Variants in COL25A1 observed in about 807,000 individuals in gnomAD.
COL25A1 encodes the protein collagen type XXV alpha 1 chain.
In COL25A1, 103 loss-of-function variants were observed where a neutral mutation model predicts 128.4. The observed-to-expected ratio is 0.80, with a 90% CI of 0.68 to 0.94. The LOEUF is 0.94. Ranked by LOEUF, COL25A1 falls within the 40% of genes least tolerant of loss-of-function variation. The probability of loss-of-function intolerance (pLI) is 0.00; values close to 1 mark genes in which losing one functional copy is unlikely to be tolerated. For missense variants in COL25A1, 745 were observed against 840.0 expected (o/e 0.89, Z 1.40); for synonymous variants, 279 against 277.2 (o/e 1.01, Z -0.06).
At chr4:109,215,469 C>A (rs1300890745) in intron 3 of COL25A1, among the ~76,000 whole-genome samples, 1 of 152,156 alleles carries the variant, frequency 6.6e-6, no homozygotes, top group East Asian at 1.9e-4. Context: ...TCAACACTTA[C>A]ACTAAAACTT....
chr4:108,980,763 C>G (rs1427746763), intron 6 of COL25A1, among the ~76,000 whole-genome samples: 1 of 152,230 alleles, frequency 6.6e-6, no homozygotes, highest in East Asian at 1.9e-4. Context: ...CTATTTTAAA[C>G]TCCACAAGTT....
At chr4:109,008,109 G>A (rs891798199) in intron 6 of COL25A1, among the ~76,000 whole-genome samples, 4 of 152,142 alleles carry the variant, frequency 2.6e-5, no homozygotes, top group African/African-American at 9.7e-5. Flanking sequence ...AGATGTAGGT[G>A]CCTGCCCACC....
At chr4:109,167,546 GA>G (rs1359629005) in intron 3 of COL25A1, among the ~76,000 whole-genome samples, 1 of 152,102 alleles carries the variant, frequency 6.6e-6, no homozygotes, top group African/African-American at 2.4e-5. Context: ...ACAACCTTAG[GA>G]TAATTACATT....
At chr4:109,227,872 A>G (rs1208046346) in intron 3 of COL25A1, among the ~76,000 whole-genome samples, 1 of 152,178 alleles carries the variant, frequency 6.6e-6, no homozygotes, top group Non-Finnish European at 1.5e-5. Context: ...AAGACAGGTC[A>G]TCTACAAGCT....
intron 3 of COL25A1, among the ~76,000 whole-genome samples, chr4:109,208,496 A>AAT (rs1553959492): frequency 1.3e-5 from 2 of 151,864 alleles, no homozygotes; most frequent in South Asian, 2.1e-4. Context: ...AAAAAAAAAA[A>AAT]ACAAATTATT....
chr4:108,976,324 A>G (rs944296960), intron 6 of COL25A1, among the ~76,000 whole-genome samples: 2 of 152,216 alleles, frequency 1.3e-5, no homozygotes, highest in African/African-American at 4.8e-5. Flanking sequence ...TTAACCAAAC[A>G]CCATTTCTTG....
intron 3 of COL25A1, among the ~76,000 whole-genome samples, chr4:109,222,740 G>A (rs1778514950): frequency 6.6e-6 from 1 of 152,132 alleles, no homozygotes; most frequent in South Asian, 2.1e-4. Flanking sequence ...AAAGGAGGCT[G>A]TCCATTTTGG....
intron 5 of COL25A1, among the ~76,000 whole-genome samples, chr4:109,013,634 GAGGAATGAACAACTCTGAACGGA>G (rs892942657): frequency 4.0e-5 from 6 of 151,470 alleles, no homozygotes; most frequent in East Asian, 1.9e-4. Context: ...AACCCACCAG[GAGGAATGAACAACTCTGAACGGA>G]AGGAATGAAC....
At chr4:109,286,220 C>T (rs1723878726) in intron 3 of COL25A1, among the ~76,000 whole-genome samples, 1 of 152,148 alleles carries the variant, frequency 6.6e-6, no homozygotes, top group Admixed American at 6.6e-5. Flanking sequence ...TTGTGTACCA[C>T]TTTTAATTCA....
intron 3 of COL25A1, among the ~76,000 whole-genome samples, chr4:109,151,562 A>C (rs17039964): frequency 0.02 from 3,076 of 152,264 alleles, 101 homozygotes; most frequent in South Asian, 0.13. Flanking sequence ...TTTAAAGTCC[A>C]GTAGCAGCAT....
At chr4:109,159,669 T>G (rs1006807607) in intron 3 of COL25A1, among the ~76,000 whole-genome samples, 1 of 152,078 alleles carries the variant, frequency 6.6e-6, no homozygotes, top group African/African-American at 2.4e-5. Flanking sequence ...GAAGAAAAAT[T>G]TAAGGAAAAG....
At chr4:109,061,300 C>T (rs1761950199) in intron 3 of COL25A1, among the ~76,000 whole-genome samples, 2 of 152,090 alleles carry the variant, frequency 1.3e-5, no homozygotes, top group Admixed American at 1.3e-4. Flanking sequence ...TGAATTGATT[C>T]TTGTTGTGAT....
chr4:108,845,069 C>A lies in COL25A1; in HGVS notation c.1578+120G>T. 4.8e-6 allele frequency: 4 copies of A among 839,968 alleles called. No individual in the cohort carries two copies. In the Admixed American group the frequency reaches 7.4e-5, roughly 16 times the overall value. The allele number at this position is 839,968 out of a possible 1,614,324, so 52.0% of individuals were successfully genotyped here. On this transcript the variant is annotated intron_variant, in intron 29 of 37. Coordinates refer to ENST00000399132, the MANE Select transcript of COL25A1 (RefSeq NM_198721.4). The stretch of plus-strand genomic sequence containing the variant: ...ATGTTTCTTCTACAGTTTGACAAAC[C>A]AAGAGGTTTGAGGTCTGTCTACTGT...
intron 5 of COL25A1, among the ~76,000 whole-genome samples, chr4:109,044,428 T>C (rs376821062): frequency 6.6e-6 from 1 of 151,416 alleles, no homozygotes; most frequent in African/African-American, 2.4e-5. Context: ...TACAGTGAGA[T>C]CTGCCATTAT....
intron 6 of COL25A1, among the ~76,000 whole-genome samples, chr4:108,983,049 TC>T (rs1480355298): frequency 2.6e-5 from 4 of 152,228 alleles, no homozygotes; most frequent in Non-Finnish European, 5.9e-5. Context: ...TCTCTGGTTT[TC>T]TTTTCTAACA....
At chr4:108,940,206 A>C (rs1266098688) in intron 10 of COL25A1, among the ~76,000 whole-genome samples, 2 of 152,176 alleles carry the variant, frequency 1.3e-5, no homozygotes, top group Non-Finnish European at 2.9e-5. Context: ...GTGAGGATAC[A>C]CCTGGGAATG....
At chr4:109,147,898 C>T (rs950565064) in intron 3 of COL25A1, among the ~76,000 whole-genome samples, 1 of 151,230 alleles carries the variant, frequency 6.6e-6, no homozygotes, top group African/African-American at 2.4e-5. Flanking sequence ...GAATGGAGTG[C>T]TTATAAGGTC....
chr4:108,865,659 A>G (rs1342384731), intron 20 of COL25A1, among the ~76,000 whole-genome samples: 1 of 152,284 alleles, frequency 6.6e-6, no homozygotes, highest in Non-Finnish European at 1.5e-5. Context: ...TTTAAGAATT[A>G]CAGAATTCTA....
intron 3 of COL25A1, among the ~76,000 whole-genome samples, chr4:109,050,871 GA>G (rs543273434): frequency 6.7e-6 from 1 of 149,540 alleles, no homozygotes; most frequent in African/African-American, 2.4e-5. Flanking sequence ...TAAAAGCAGA[GA>G]AAAAAACTTG....
Sources: allele counts gnomAD v4.1 joint callset (sites outside exome capture counted in the v4.1 genomes callset), GRCh38; gene constraint gnomAD v4.1.1; transcripts MANE v1.5; gene names NCBI Gene and HGNC (gene_info 2026-07-23, HGNC 2026-07-21).